The following LINGO1 variants were observed in gnomAD, a reference collection of about 807,000 sequenced individuals.
The protein encoded by LINGO1 is leucine rich repeat and Ig domain containing 1.
Under a neutral mutation model 37.3 loss-of-function variants are expected in LINGO1, and 11 were observed. That is an observed-to-expected ratio of 0.29 (90% confidence interval 0.19 to 0.49). The LOEUF (loss-of-function observed/expected upper bound fraction) is 0.49. Ranked by LOEUF, LINGO1 falls within the 20% of genes least tolerant of loss-of-function variation. The pLI is 0.99. For synonymous variants in LINGO1, 387 were observed against 403.0 expected, an observed-to-expected ratio of 0.96 and a Z score of 0.48; for missense variants, 585 against 878.2, an observed-to-expected ratio of 0.67 and a Z score of 4.22.
chr15:77,705,850 C>A (rs563868777), intron 2 of LINGO1, among the ~76,000 whole-genome samples: 1 of 152,166 alleles, frequency 6.6e-6, no homozygotes, highest in African/African-American at 2.4e-5. Context: ...AAGACCACCA[C>A]GGTCACAATG....
intron 3 of LINGO1, among the ~76,000 whole-genome samples, chr15:77,662,398 G>A (rs1455228329): frequency 2.0e-5 from 3 of 152,172 alleles, no homozygotes; most frequent in Non-Finnish European, 4.4e-5. Context: ...GGATGAGGGG[G>A]CAGGAAACCC....
upstream of LINGO1, among the ~76,000 whole-genome samples, chr15:77,697,132 G>A (rs72546312): frequency 1.9e-3 from 286 of 152,350 alleles, no homozygotes; most frequent in Middle Eastern, 3.4e-3. Flanking sequence ...CAATAGAGCC[G>A]GGGCTCAGTG....
At chr15:77,795,038 T>C (rs567884996) in intron 2 of LINGO1, among the ~76,000 whole-genome samples, 181 of 152,134 alleles carry the variant, frequency 1.2e-3, no homozygotes, top group African/African-American at 4.1e-3. Flanking sequence ...GGCTTCTTCA[T>C]CTGAAAAATG....
At position 77,777,465 on chromosome 15, in the gene LINGO1, GCACACACACACACACA is replaced by G. The variant is rs112112009; in HGVS notation, c.-257+9388_-257+9403del. Among the ~76,000 whole-genome samples the G allele has an allele frequency of 4.6e-3, 641 of 140,098 alleles. 9 individuals are homozygous for G. The highest frequency in any genetic ancestry group is 0.017 in the African/African-American group (616 of 35,784). The allele number at this position is 140,098 out of a possible 152,430, so 91.9% of individuals were successfully genotyped here. A position where few individuals can be genotyped will look rare whatever the true frequency, so the allele number is the denominator to read the frequency against. ...ACAGATTTTGGACATATACACACAC[GCACACACACACACACA>G]CACACACACACACACACACACAGCT... On this transcript the variant is annotated intron_variant, in intron 1 of 3. Coordinates refer to the LINGO1 transcript ENST00000561686.
At chr15:77,751,752 C>G (rs1182461371) in intron 1 of LINGO1, among the ~76,000 whole-genome samples, 4 of 152,170 alleles carry the variant, frequency 2.6e-5, no homozygotes, top group South Asian at 2.1e-4. Context: ...CCTCCCAGTC[C>G]CTGGGAGAAG....
At chr15:77,727,213 T>C (rs2076110963) in intron 2 of LINGO1, among the ~76,000 whole-genome samples, 1 of 152,244 alleles carries the variant, frequency 6.6e-6, no homozygotes, top group Non-Finnish European at 1.5e-5. Flanking sequence ...AATCCCACTT[T>C]TGGGTGTGTG....
intron 1 of LINGO1, among the ~76,000 whole-genome samples, chr15:77,766,034 C>T (rs751076060): frequency 6.6e-6 from 1 of 152,068 alleles, no homozygotes; most frequent in Non-Finnish European, 1.5e-5. Flanking sequence ...AGGTGGTACT[C>T]AATAAATGTT....
intron 3 of LINGO1, among the ~76,000 whole-genome samples, chr15:77,650,373 C>G (rs1415602179): frequency 6.6e-6 from 1 of 152,274 alleles, no homozygotes. Context: ...AAATGGCTCC[C>G]AGGTGGGACA....
chr15:77,674,855 A>C (rs186397824), intron 3 of LINGO1, among the ~76,000 whole-genome samples: 136 of 151,846 alleles, frequency 9.0e-4, no homozygotes, highest in African/African-American at 3.2e-3. Context: ...CACAGCTTAC[A>C]TTCCTTGGAG....
Position 77,667,294 on chromosome 15 carries a change from C to T in LINGO1, c.-13+9795G>A, listed in dbSNP as rs1313835672. Among the ~76,000 whole-genome samples, 7 of 152,338 alleles carry T rather than the reference C, an allele frequency of 4.6e-5. No homozygotes were observed. In the South Asian group the frequency reaches 6.2e-4, roughly 14 times the overall value. On this transcript the variant is annotated intron_variant, in intron 3 of 3. Transcript: ENST00000559893. ...GGCTGAGGAGCTGCTCTCCCACCTC[C>T]GGCTATCTGGATGGCCCTCAATGGA...
At chr15:77,616,990 G>A (rs2073747613) in intron 1 of LINGO1, among the ~76,000 whole-genome samples, 2 of 152,154 alleles carry the variant, frequency 1.3e-5, no homozygotes, top group Admixed American at 6.5e-5. Context: ...CTAGTCTGAG[G>A]AAGGCACCAT....
chr15:77,758,860 C>G lies in LINGO1; in HGVS notation c.-256-23807G>C, dbSNP rs150381695. 5.1e-4 allele frequency among the ~76,000 whole-genome samples: 77 copies of G among 151,410 alleles called. 1 individual carries two copies. Among genetic ancestry groups the G allele is most frequent in the Admixed American group, 9.9e-4 (15 of 15,198 alleles). ...TCACCATTGTCGAGGAGGGGGCGGT[C>G]AGAAGCGGGGGGAGGAAAATAGTTG... On this transcript the variant is annotated intron_variant, in intron 1 of 3. Transcript: ENST00000561686.
chr15:77,617,734 G>A (rs1041292729), intron 1 of LINGO1, among the ~76,000 whole-genome samples: 1 of 152,240 alleles, frequency 6.6e-6, no homozygotes, highest in Non-Finnish European at 1.5e-5. Flanking sequence ...AGCAATTCTG[G>A]GATAGGAGCT....
intron 2 of LINGO1, among the ~76,000 whole-genome samples, chr15:77,792,754 C>T (rs2076828068): frequency 6.6e-6 from 1 of 152,238 alleles, no homozygotes; most frequent in Non-Finnish European, 1.5e-5. Context: ...GAGGGCAATG[C>T]CATGGTCTAA....
At chr15:77,712,116 C>G (rs1337267218) in intron 2 of LINGO1, among the ~76,000 whole-genome samples, 1 of 152,194 alleles carries the variant, frequency 6.6e-6, no homozygotes, top group Non-Finnish European at 1.5e-5. Flanking sequence ...GCACCTCAAC[C>G]CTTGCATCCT....
chr15:77,705,205 A>ACC (rs913199681), intron 2 of LINGO1, among the ~76,000 whole-genome samples: 1 of 145,330 alleles, frequency 6.9e-6, no homozygotes, highest in African/African-American at 2.7e-5. Context: ...ACACACACAC[A>ACC]CCAGTCCACT....
chr15:77,795,598 T>C (rs2076866259), intron 2 of LINGO1, among the ~76,000 whole-genome samples: 1 of 152,208 alleles, frequency 6.6e-6, no homozygotes, highest in Non-Finnish European at 1.5e-5. Flanking sequence ...GGCTCCCTCC[T>C]GACCTGAAGT....
At chr15:77,764,185 A>G (rs2076504806) in intron 1 of LINGO1, among the ~76,000 whole-genome samples, 1 of 152,200 alleles carries the variant, frequency 6.6e-6, no homozygotes, top group African/African-American at 2.4e-5. Flanking sequence ...TGCCCACCAT[A>G]TGTGCACCTG....
intron 3 of LINGO1, among the ~76,000 whole-genome samples, chr15:77,649,796 A>G (rs548013654): frequency 6.6e-6 from 1 of 152,280 alleles, no homozygotes; most frequent in African/African-American, 2.4e-5. Flanking sequence ...GCAGCCCCCA[A>G]CACTGCTCAT....
Sources: allele counts gnomAD v4.1 joint callset (sites outside exome capture counted in the v4.1 genomes callset), GRCh38; gene constraint gnomAD v4.1.1; transcripts MANE v1.5; gene names NCBI Gene and HGNC (gene_info 2026-07-23, HGNC 2026-07-21).